DDX60L: variants seen among roughly 807,000 people sequenced by gnomAD.
DDX60L encodes probable ATP-dependent RNA helicase DDX60-like.
A neutral mutation model predicts 211.6 loss-of-function variants in DDX60L; 191 were observed. The ratio of observed to expected loss-of-function variants is 0.90; its 90% CI spans 0.80 to 1.02. DDX60L has a LOEUF of 1.02. Ranked by LOEUF, DDX60L falls within the 50% of genes least tolerant of loss-of-function variation. DDX60L has a pLI of 0.00. For synonymous variants in DDX60L, 706 were observed against 694.1 expected (o/e 1.02, Z -0.27); for missense variants, 2,007 against 1,984.1 (o/e 1.01, Z -0.22).
intron 28 of DDX60L, among the ~76,000 whole-genome samples, chr4:168,392,583 C>T (rs1464570077): frequency 6.6e-6 from 1 of 152,102 alleles, no homozygotes; most frequent in African/African-American, 2.4e-5. Context: ...GTGGCTCACG[C>T]CTGTAACTTC....
chr4:168,371,488 T>C (rs116173680), intron 36 of DDX60L, 124 bp downstream of exon 36: 28,418 of 331,086 alleles, frequency 0.086, 1,630 homozygotes, highest in East Asian at 0.15. Context: ...ATAATATAAA[T>C]TTATGTTTAT....
intron 25 of DDX60L, among the ~76,000 whole-genome samples, chr4:168,402,409 T>G (rs1400160473): frequency 6.6e-6 from 1 of 151,566 alleles, no homozygotes; most frequent in African/African-American, 2.4e-5. Flanking sequence ...TGATAATCTA[T>G]GACAAGAGTC....
rs1222031831 is a variant in DDX60L, at chr4:168,461,627, G to A, written c.606+72C>T. On this transcript the variant is annotated intron_variant, in intron 5 of 37. Coordinates refer to ENST00000682922, the MANE Select transcript of DDX60L (RefSeq NM_001012967.3). ...ATAAGTTCCATTAAAAATACAGAAA[G>A]AATATTGAGTTAGTGATTTTGAGAA... is the stretch of plus-strand genomic sequence containing the variant. 3.0e-5 allele frequency: 32 copies of A among 1,073,440 alleles called. No homozygotes were observed. In the Middle Eastern group the frequency reaches 1.2e-3, roughly 42 times the overall value. The allele number at this position is 1,073,440 out of a possible 1,614,324, so 66.5% of individuals were successfully genotyped here.
chr4:168,479,678 C>T (rs1760123155), intron 1 of DDX60L, among the ~76,000 whole-genome samples: 1 of 152,086 alleles, frequency 6.6e-6, no homozygotes, highest in African/African-American at 2.4e-5. Context: ...CTATTAAGAG[C>T]TTAAATCCGG....
intron 13 of DDX60L, among the ~76,000 whole-genome samples, chr4:168,428,791 T>C (rs1173119422): frequency 6.6e-6 from 1 of 152,174 alleles, no homozygotes; most frequent in Non-Finnish European, 1.5e-5. Flanking sequence ...AACCATAAAA[T>C]CTACCGTTTG....
intron 7 of DDX60L, 115 bp from the exon 8 acceptor site, chr4:168,453,397 A>C (rs1014059504): frequency 2.7e-6 from 3 of 1,126,354 alleles, no homozygotes; most frequent in African/African-American, 3.2e-5. Flanking sequence ...TTTGTGAGAA[A>C]GTCCCCTTCT....
At chr4:168,448,184 GA>G (rs1755117841) in intron 9 of DDX60L, among the ~76,000 whole-genome samples, 1 of 152,186 alleles carries the variant, frequency 6.6e-6, no homozygotes, top group African/African-American at 2.4e-5. Flanking sequence ...GTTCGTTCAG[GA>G]AAAATATGTT....
intron 18 of DDX60L, among the ~76,000 whole-genome samples, chr4:168,419,836 G>C (rs560535042): frequency 6.6e-6 from 1 of 152,238 alleles, no homozygotes; most frequent in Non-Finnish European, 1.5e-5. Context: ...AAATCTACTT[G>C]AATCCCTTTC....
chr4:168,477,098 T>C (rs531651786), intron 1 of DDX60L, among the ~76,000 whole-genome samples: 1 of 152,332 alleles, frequency 6.6e-6, no homozygotes, highest in South Asian at 2.1e-4. Flanking sequence ...TAGCATTCCC[T>C]TACTGCTACA....
intron 30 of DDX60L, among the ~76,000 whole-genome samples, chr4:168,383,842 T>C (rs1743382943): frequency 6.6e-6 from 1 of 152,138 alleles, no homozygotes; most frequent in African/African-American, 2.4e-5. Flanking sequence ...GTCAACTTGA[T>C]TGGATTGAAG....
At chr4:168,453,377 T>C (rs2150063507) in intron 7 of DDX60L, 95 bp from the exon 8 acceptor site, 2 of 1,301,402 alleles carry the variant, frequency 1.5e-6, no homozygotes, top group East Asian at 2.5e-5. Flanking sequence ...TTCAAAGTTT[T>C]ACATCTACAT....
chr4:168,397,773 A>G (rs557856899), intron 26 of DDX60L, among the ~76,000 whole-genome samples: 1 of 152,192 alleles, frequency 6.6e-6, no homozygotes, highest in Non-Finnish European at 1.5e-5. Flanking sequence ...GCAGTGGGAG[A>G]GGCAAGGCCA....
intron 22 of DDX60L, among the ~76,000 whole-genome samples, chr4:168,407,060 CA>C (rs1485188934): frequency 6.6e-6 from 1 of 152,120 alleles, no homozygotes; most frequent in Non-Finnish European, 1.5e-5. Context: ...AGAATAGCCT[CA>C]GTTTAGACAA....
intron 5 of DDX60L, among the ~76,000 whole-genome samples, chr4:168,458,250 C>T (rs1249955396): frequency 6.6e-6 from 1 of 152,100 alleles, no homozygotes; most frequent in African/African-American, 2.4e-5. Flanking sequence ...TGTGGCAATT[C>T]CTCAAAGACT....
At chr4:168,385,094 T>C (rs1457250606) in intron 29 of DDX60L, among the ~76,000 whole-genome samples, 3 of 152,204 alleles carry the variant, frequency 2.0e-5, no homozygotes, top group South Asian at 2.1e-4. Context: ...AGTTGGCTGA[T>C]AGCTGGCAGT....
chr4:168,404,200 A>G (rs1158890966), intron 24 of DDX60L, 94 bp from the exon 25 acceptor site: 3 of 904,222 alleles, frequency 3.3e-6, no homozygotes, highest in African/African-American at 3.5e-5. Context: ...AAATTAGAAT[A>G]ATTTTTCATA....
chr4:168,461,650 G>C (rs2150100624), intron 5 of DDX60L, 49 bp downstream of exon 5: 1 of 1,292,156 alleles, frequency 7.7e-7, no homozygotes, highest in Non-Finnish European at 1.0e-6. Context: ...GTGATTTTGA[G>C]AATTAAAACA....
At chr4:168,442,685 C>T (rs200839660) in intron 9 of DDX60L, among the ~76,000 whole-genome samples, 7 of 150,374 alleles carry the variant, frequency 4.7e-5, no homozygotes, top group Middle Eastern at 3.5e-3. Context: ...GATCTGAGAA[C>T]GGGCAGACTG....
In DDX60L at chr4:168,361,175, A is replaced by G; in HGVS notation, c.4965T>C (p.Asp1655=). Residue 1655 remains aspartate (D), a synonymous_variant, in exon 37 of 38, where the codon GAT becomes GAC. Transcript: ENST00000682922. ...TGATAGCCTGAATGTTGAATGCAAA[A>G]TCTTTCAAACACTTTAAAAGCTGTC... The part of the protein sequence containing the change: ...RMGQLLKCLK[D]FAFNIQAISD... The G allele has an allele frequency of 6.2e-7, 1 of 1,609,174 alleles. No individual in the cohort carries two copies. The highest frequency in any genetic ancestry group is 8.5e-7 in the Non-Finnish European group (1 of 1,176,532).
Sources: gnomAD v4.1 joint callset for allele counts (sites outside exome capture counted in the v4.1 genomes callset) on GRCh38, gnomAD v4.1.1 for gene constraint, MANE v1.5 for transcripts, NCBI Gene and HGNC (gene_info 2026-07-23, HGNC 2026-07-21) for gene names.